ME1: variants seen among roughly 807,000 people sequenced by gnomAD.
The protein encoded by ME1 is malic enzyme 1.
In ME1, 74 loss-of-function variants were observed where a neutral mutation model predicts 66.4. That is an observed-to-expected ratio of 1.11 (90% confidence interval 0.92 to 1.35). The LOEUF is 1.35. Ranked by LOEUF, ME1 falls within the 40% of genes most tolerant of loss-of-function variation. The pLI is 0.00. For missense variants in ME1, 750 were observed against 694.1 expected (o/e 1.08, Z -0.90); for synonymous variants, 251 against 235.6 (o/e 1.07, Z -0.60).
Position 83,398,449 on chromosome 6 carries a change from T to C in ME1, c.280A>G (p.Ile94Val). Reference protein sequence around the residue: ...KLFYRVLTSDIEKFMPIVYTP... With the variant: ...KLFYRVLTSDVEKFMPIVYTP... ...TAAACAATAGGCATGAATTTCTCAA[T>C]GTCAGATGTCAGCACTCTATAAAAG... The change falls in exon 3 of 14, where the codon ATT becomes GTT. Residue 94 changes from isoleucine to valine, a missense_variant. By Grantham distance (29) the Ile-to-Val change is conservative. Coordinates refer to ENST00000369705, the MANE Select transcript of ME1 (RefSeq NM_002395.6). 1.3e-6 allele frequency: 2 copies of C among 1,592,246 alleles called. No individual in the cohort carries two copies. Among genetic ancestry groups the C allele is most frequent in the African/African-American group, 1.3e-5 (1 of 74,362 alleles).
At chr6:83,349,509 T>G (rs1023238327) in intron 4 of ME1, among the ~76,000 whole-genome samples, 1 of 152,224 alleles carries the variant, frequency 6.6e-6, no homozygotes, top group African/African-American at 2.4e-5. Flanking sequence ...GAATAGAAAC[T>G]TCTGTATGAA....
intron 3 of ME1, among the ~76,000 whole-genome samples, chr6:83,360,773 T>C (rs540003325): frequency 9.8e-5 from 15 of 152,330 alleles, no homozygotes; most frequent in Non-Finnish European, 2.2e-4. Flanking sequence ...GACAGACAGA[T>C]CATAGAGAAT....
At chr6:83,298,931 GTTTTTTTTT>G (rs61055748) in intron 6 of ME1, among the ~76,000 whole-genome samples, 113 of 22,460 alleles carry the variant, frequency 5.0e-3, no homozygotes, top group African/African-American at 6.8e-3. Context: ...CTATGTGTCT[GTTTTTTTTT>G]TTTTTTTTTT....
At chr6:83,419,587 G>A (rs891230887) in intron 1 of ME1, among the ~76,000 whole-genome samples, 2 of 152,072 alleles carry the variant, frequency 1.3e-5, no homozygotes, top group African/African-American at 4.8e-5. Flanking sequence ...TTTAGGGAGG[G>A]GAACCAGCTA....
At chr6:83,283,021 G>A (rs1403084357) in intron 6 of ME1, among the ~76,000 whole-genome samples, 3 of 151,330 alleles carry the variant, frequency 2.0e-5, no homozygotes, top group African/African-American at 7.3e-5. Flanking sequence ...GAGGTCAGGA[G>A]ATCGAGACCA....
intron 1 of ME1, among the ~76,000 whole-genome samples, chr6:83,416,999 T>C (rs916335884): frequency 6.6e-6 from 1 of 152,222 alleles, no homozygotes; most frequent in Non-Finnish European, 1.5e-5. Context: ...ATAACATTCA[T>C]GTTCTTCATT....
intron 3 of ME1, among the ~76,000 whole-genome samples, chr6:83,375,309 G>A (rs143493335): frequency 9.9e-5 from 15 of 152,062 alleles, no homozygotes; most frequent in East Asian, 1.9e-4. Flanking sequence ...GAGGTCCTTC[G>A]CATCCCTTGT....
intron 6 of ME1, among the ~76,000 whole-genome samples, chr6:83,280,227 T>C (rs998117145): frequency 1.3e-5 from 2 of 152,200 alleles, no homozygotes; most frequent in Non-Finnish European, 2.9e-5. Flanking sequence ...TTTTTCTTTT[T>C]CTCAACTGAC....
intron 5 of ME1, among the ~76,000 whole-genome samples, chr6:83,328,121 G>T (rs1288813319): frequency 6.6e-6 from 1 of 152,188 alleles, no homozygotes; most frequent in Non-Finnish European, 1.5e-5. Context: ...ATACACCATG[G>T]AATACTATGT....
chr6:83,393,621 A>G (rs1769674622), intron 3 of ME1, among the ~76,000 whole-genome samples: 1 of 151,302 alleles, frequency 6.6e-6, no homozygotes, highest in Non-Finnish European at 1.5e-5. Flanking sequence ...AAAAAAAAAA[A>G]CTTGTTGCTA....
chr6:83,359,167 C>T (rs987081757), intron 3 of ME1, among the ~76,000 whole-genome samples: 4 of 151,246 alleles, frequency 2.6e-5, no homozygotes, highest in African/African-American at 4.9e-5. Context: ...ACAGGGTGGT[C>T]GGGCAGAGGC....
intron 11 of ME1, among the ~76,000 whole-genome samples, chr6:83,224,967 C>G (rs544042624): frequency 9.2e-5 from 14 of 151,368 alleles, no homozygotes; most frequent in Middle Eastern, 6.8e-3. Context: ...TTTGGGAGGT[C>G]GAGGAGGGTG....
chr6:83,257,073 A>T (rs935691327), intron 6 of ME1, among the ~76,000 whole-genome samples: 1 of 152,064 alleles, frequency 6.6e-6, no homozygotes, highest in Non-Finnish European at 1.5e-5. Context: ...GGATAACATT[A>T]GGAGAAATAC....
intron 11 of ME1, among the ~76,000 whole-genome samples, chr6:83,224,683 CAA>C (rs58210396): frequency 0.038 from 3,910 of 102,768 alleles, 190 homozygotes; most frequent in African/African-American, 0.11. Flanking sequence ...GATTCCAGCT[CAA>C]AAAAAAAAAA....
chr6:83,288,114 C>T (rs1767430495), intron 6 of ME1, among the ~76,000 whole-genome samples: 1 of 152,204 alleles, frequency 6.6e-6, no homozygotes, highest in Admixed American at 6.5e-5. Context: ...TGCCTGTTCA[C>T]TCTGATAATA....
intron 12 of ME1, among the ~76,000 whole-genome samples, chr6:83,219,986 T>A (rs1175057345): frequency 6.6e-6 from 1 of 152,124 alleles, no homozygotes; most frequent in Admixed American, 6.6e-5. Context: ...GTGTATAGAT[T>A]GTTAGCTATT....
At chr6:83,394,447 T>C (rs1164189101) in intron 3 of ME1, among the ~76,000 whole-genome samples, 3 of 152,166 alleles carry the variant, frequency 2.0e-5, no homozygotes, top group Non-Finnish European at 4.4e-5. Flanking sequence ...TATGTATCAA[T>C]AAAAAAATTT....
chr6:83,216,676 G>A (rs947859326), intron 12 of ME1, 80 bp from the exon 13 acceptor site: 18 of 887,026 alleles, frequency 2.0e-5, no homozygotes, highest in African/African-American at 6.8e-5. Context: ...CTAAGTGAAC[G>A]GTTACATATA....
At chr6:83,401,990 G>A (rs796383231) in intron 2 of ME1, among the ~76,000 whole-genome samples, 2 of 152,300 alleles carry the variant, frequency 1.3e-5, no homozygotes, top group East Asian at 3.9e-4. Flanking sequence ...TACTATTCAT[G>A]GACTTACAAA....
Sources: allele counts gnomAD v4.1 joint callset (sites outside exome capture counted in the v4.1 genomes callset), GRCh38; gene constraint gnomAD v4.1.1; transcripts MANE v1.5; gene names NCBI Gene and HGNC (gene_info 2026-07-23, HGNC 2026-07-21).